The following CCDC92B variants were observed in gnomAD, a reference collection of about 807,000 sequenced individuals.
CCDC92B encodes the protein coiled-coil domain containing 92B, also known as coiled-coil domain-containing 92B.
A neutral mutation model predicts 5.6 loss-of-function variants in CCDC92B; 2 were observed. That is an observed-to-expected ratio of 0.36 (90% confidence interval 0.15 to 1.12). The LOEUF is 1.12. Among genes scored for constraint, CCDC92B ranks in the 50% most tolerant of loss-of-function variants. The probability of loss-of-function intolerance (pLI) is 0.40; values close to 1 mark genes in which losing one functional copy is unlikely to be tolerated. For synonymous variants in CCDC92B, 115 were observed against 122.3 expected, an observed-to-expected ratio of 0.94 and a Z score of 0.39; for missense variants, 271 against 262.2, an observed-to-expected ratio of 1.03 and a Z score of -0.23.
chr17:2,733,290 A>C (rs1007015937), intron 2 of CCDC92B, among the ~76,000 whole-genome samples: 3 of 134,318 alleles, frequency 2.2e-5, no homozygotes, highest in African/African-American at 2.8e-5. Flanking sequence ...ACGGAGTTTC[A>C]CTCTTGTTGC....
rs1056017950 is a variant in CCDC92B at position 2,735,440 on chromosome 17, C to CT, written c.-23-273dup. ...CTCCTGTTCCCATGTAACTTTTTTT[C>CT]TTTTTTTTGAGATGGAGTCTTGCTC... On this transcript the variant is annotated intron_variant, in intron 1 of 3. Transcript: ENST00000614400. Among the ~76,000 whole-genome samples, 20 of 151,942 alleles carry CT rather than the reference C, an allele frequency of 1.3e-4. No individual in the cohort carries two copies. The East Asian group carries it at 1.7e-3, about 13-fold the overall frequency.
chr17:2,730,087 C>T (rs977483964), intron 3 of CCDC92B, among the ~76,000 whole-genome samples: 7 of 152,198 alleles, frequency 4.6e-5, no homozygotes, highest in African/African-American at 7.2e-5. Context: ...AGTAAAGCCA[C>T]ATTACCATTT....
At chr17:2,736,352 G>A (rs573447737) in intron 1 of CCDC92B, among the ~76,000 whole-genome samples, 83 of 152,140 alleles carry the variant, frequency 5.5e-4, no homozygotes, top group African/African-American at 9.2e-4. Context: ...GCTTGAACCC[G>A]GGAGGCGGAG....
intron 1 of CCDC92B, chr17:2,748,414 A>G: frequency 2.0e-6 from 2 of 985,102 alleles, no homozygotes; most frequent in South Asian, 4.7e-5. Context: ...ACAGTCTGCC[A>G]TATTATCACT....
At position 2,749,571 on chromosome 17, in the gene CCDC92B, G is replaced by A. The variant is rs2071030829; in HGVS notation, c.-184C>T. The A allele has an allele frequency of 9.3e-6, 1 of 107,122 alleles. No homozygotes were observed. The highest frequency in any genetic ancestry group is 2.4e-4 in the South Asian group (1 of 4,136). 6.6% of individuals were successfully genotyped at this position (107,122 alleles called of 1,614,324 possible). A position where few individuals can be genotyped will look rare whatever the true frequency, so the allele number is the denominator to read the frequency against. On this transcript the variant is annotated 5_prime_UTR_variant, in exon 1 of 4. Coordinates refer to ENST00000614400, the MANE Select transcript of CCDC92B (RefSeq NM_001355573.2). ...TGGGAGGCTGCGGGGCAGTCGGGCCGGGGCTCCGGGGGGCTCGGGGGCGCC... is the reference window on the plus strand; with the variant it reads ...TGGGAGGCTGCGGGGCAGTCGGGCCAGGGCTCCGGGGGGCTCGGGGGCGCC...
intron 1 of CCDC92B, among the ~76,000 whole-genome samples, chr17:2,742,074 A>AT (rs1328557767): frequency 1.3e-5 from 2 of 150,202 alleles, no homozygotes; most frequent in African/African-American, 5.0e-5. Flanking sequence ...TATGATTTGC[A>AT]TTTTTTATTT....
At chr17:2,730,167 T>C (rs924609811) in intron 3 of CCDC92B, among the ~76,000 whole-genome samples, 1 of 152,086 alleles carries the variant, frequency 6.6e-6, no homozygotes, top group African/African-American at 2.4e-5. Flanking sequence ...GTGGTGCAGG[T>C]TGTTCACTGC....
At chr17:2,730,124 G>C (rs966067654) in intron 3 of CCDC92B, among the ~76,000 whole-genome samples, 1 of 152,148 alleles carries the variant, frequency 6.6e-6, no homozygotes, top group Non-Finnish European at 1.5e-5. Flanking sequence ...TCCTCACTTT[G>C]GACAGAGACA....
At chr17:2,733,962 G>A (rs1293588196) in intron 2 of CCDC92B, among the ~76,000 whole-genome samples, 3 of 151,580 alleles carry the variant, frequency 2.0e-5, no homozygotes, top group African/African-American at 7.3e-5. Context: ...GTTTCGCCAC[G>A]TTGGCCAGGC....
At chr17:2,743,228 G>A (rs952134445) in intron 1 of CCDC92B, among the ~76,000 whole-genome samples, 1 of 152,132 alleles carries the variant, frequency 6.6e-6, no homozygotes, top group Admixed American at 6.6e-5. Flanking sequence ...TCAGGAGTTC[G>A]AGACCAGCCT....
intron 1 of CCDC92B, among the ~76,000 whole-genome samples, chr17:2,740,419 T>C (rs543297638): frequency 2.0e-4 from 30 of 152,090 alleles, no homozygotes; most frequent in African/African-American, 7.2e-4. Flanking sequence ...CTCAGCACTT[T>C]GGGAGGCTGA....
At chr17:2,740,446 G>A (rs2070913272) in intron 1 of CCDC92B, among the ~76,000 whole-genome samples, 3 of 151,976 alleles carry the variant, frequency 2.0e-5, no homozygotes, top group South Asian at 4.1e-4. Flanking sequence ...CTGATCACTT[G>A]AGGTCAAGAG....
Position 2,724,606 on chromosome 17 carries a change from C to A in CCDC92B, c.573G>T (p.Trp191Cys). The A allele has an allele frequency of 1.0e-6, 1 of 981,830 alleles. No homozygotes were observed. Among genetic ancestry groups the A allele is most frequent in the South Asian group, 4.6e-5 (1 of 21,910 alleles). The allele number at this position is 981,830 out of a possible 1,614,324, so 60.8% of individuals were successfully genotyped here. Residue 191 changes from tryptophan (W) to cysteine (C), a missense_variant, in exon 4 of 4, where the codon TGG (tryptophan) becomes TGT (cysteine). Physicochemically the swap from Trp to Cys is radical, Grantham distance 215. Transcript: ENST00000614400. The surrounding 1 kb of genome is among the most constrained non-coding windows in gnomAD (Gnocchi z 5.0). ...CGCCGGCCCCGCGGTCCCAGGCGGC[C>A]CAGTCCCGGCCGGGGCCCTTGGCGG... The part of the protein sequence containing the change: ...EAAAKGPGRD[W>C]AAWDRGAGAL...
intron 3 of CCDC92B, among the ~76,000 whole-genome samples, chr17:2,727,553 C>G (rs1394365321): frequency 1.3e-5 from 2 of 152,174 alleles, no homozygotes; most frequent in African/African-American, 4.8e-5. Flanking sequence ...GGGCTGGGTG[C>G]AGTGGCTCAC....
At chr17:2,730,766 G>A (rs1259375260) in intron 2 of CCDC92B, among the ~76,000 whole-genome samples, 2 of 152,128 alleles carry the variant, frequency 1.3e-5, no homozygotes, top group East Asian at 1.9e-4. Flanking sequence ...GCCTGGGTTC[G>A]GAGTTTAGTT....
At chr17:2,738,274 G>A (rs1296549440) in intron 1 of CCDC92B, among the ~76,000 whole-genome samples, 1 of 151,992 alleles carries the variant, frequency 6.6e-6, no homozygotes, top group Non-Finnish European at 1.5e-5. Context: ...CTGGCCTCAA[G>A]CAATCCTCCC....
At chr17:2,727,429 G>C (rs1481935085) in intron 3 of CCDC92B, among the ~76,000 whole-genome samples, 1 of 152,162 alleles carries the variant, frequency 6.6e-6, no homozygotes, top group Admixed American at 6.6e-5. Flanking sequence ...GCTCCATCTC[G>C]GCAGGACCAT....
At chr17:2,746,678 G>GT (rs1233073127) in intron 1 of CCDC92B, among the ~76,000 whole-genome samples, 2 of 152,072 alleles carry the variant, frequency 1.3e-5, no homozygotes, top group African/African-American at 2.4e-5. Context: ...TGCTTCAGCT[G>GT]TTTGTTTTTT....
At chr17:2,736,911 T>TAAAA (rs1555535631) in intron 1 of CCDC92B, among the ~76,000 whole-genome samples, 3 of 137,666 alleles carry the variant, frequency 2.2e-5, no homozygotes, top group East Asian at 2.1e-4. Flanking sequence ...AATAAATAAA[T>TAAAA]AAAATACATA....
Sources: gnomAD v4.1 joint callset for allele counts (sites outside exome capture counted in the v4.1 genomes callset) on GRCh38, gnomAD v4.1.1 for gene constraint, Gnocchi (gnomAD v3.1) non-coding constraint, MANE v1.5 for transcripts, NCBI Gene and HGNC (gene_info 2026-07-23, HGNC 2026-07-21) for gene names.